Variants in RNF220 observed in about 807,000 individuals in gnomAD.
RNF220 encodes the protein E3 ubiquitin-protein ligase RNF220.
Under a neutral mutation model 67.1 loss-of-function variants are expected in RNF220, and 7 were observed. The observed-to-expected ratio is 0.10, with a 90% confidence interval of 0.06 to 0.20. The LOEUF is 0.20. RNF220 is among the 10% of genes least tolerant of loss of function. The pLI, the probability that RNF220 is intolerant of heterozygous loss-of-function variation, is 1.00. For missense variants in RNF220, 565 were observed against 740.3 expected (o/e 0.76, Z 2.75); for synonymous variants, 270 against 283.2 (o/e 0.95, Z 0.47).
intron 4 of RNF220, among the ~76,000 whole-genome samples, chr1:44,625,237 A>G (rs2148455932): frequency 6.6e-6 from 1 of 152,274 alleles, no homozygotes; most frequent in Middle Eastern, 3.4e-3. Flanking sequence ...ATGGGTGAAG[A>G]AGGAGCTCCA....
intron 2 of RNF220, among the ~76,000 whole-genome samples, chr1:44,532,653 G>T (rs1242984986): frequency 2.0e-5 from 3 of 152,208 alleles, no homozygotes; most frequent in Non-Finnish European, 4.4e-5. Context: ...AATTATAACA[G>T]TGTGCCTTTC....
chr1:44,594,462 G>A (rs1666335384), intron 2 of RNF220, among the ~76,000 whole-genome samples: 1 of 152,208 alleles, frequency 6.6e-6, no homozygotes. Context: ...CAACAGAAAT[G>A]GCCTTGCAGG....
chr1:44,448,460 A>G (rs1042735043), intron 2 of RNF220, among the ~76,000 whole-genome samples: 4 of 152,250 alleles, frequency 2.6e-5, no homozygotes, highest in Admixed American at 1.3e-4. Flanking sequence ...GGGCAATATC[A>G]TGTGGCACAA....
chr1:44,432,776 A>G (rs1650530064), intron 2 of RNF220, among the ~76,000 whole-genome samples: 1 of 152,228 alleles, frequency 6.6e-6, no homozygotes, highest in East Asian at 1.9e-4. Context: ...TGTGCTGGCA[A>G]TTTTAAACAA....
chr1:44,523,255 G>A (rs1018318070), intron 2 of RNF220, among the ~76,000 whole-genome samples: 4 of 152,132 alleles, frequency 2.6e-5, no homozygotes, highest in East Asian at 1.9e-4. Context: ...TTAATGGCTC[G>A]TGGTGCCGCA....
At chr1:44,407,779 G>C (rs775177443) in intron 1 of RNF220, among the ~76,000 whole-genome samples, 4 of 152,208 alleles carry the variant, frequency 2.6e-5, no homozygotes, top group Admixed American at 1.3e-4. Context: ...CAGGAGAAGC[G>C]GGAGTGGAGG....
intron 2 of RNF220, among the ~76,000 whole-genome samples, chr1:44,522,889 A>T (rs777730680): frequency 6.6e-6 from 1 of 152,206 alleles, no homozygotes; most frequent in East Asian, 1.9e-4. Flanking sequence ...ATGCATGCAT[A>T]TGCTTAAGCA....
chr1:44,506,637 G>A (rs781775), intron 2 of RNF220, among the ~76,000 whole-genome samples: 31,925 of 152,212 alleles, frequency 0.21, 3,493 homozygotes, highest in African/African-American at 0.24. Context: ...AGCAGGTCCA[G>A]CATCTCCCAA....
rs184194517 is a variant in RNF220, at chr1:44,478,132, A to C, written c.625+65410A>C. Among the ~76,000 whole-genome samples the C allele has an allele frequency of 5.5e-3, 831 of 152,170 alleles. 3 individuals are homozygous for C. The highest frequency in any genetic ancestry group is 0.014 in the Middle Eastern group (4 of 294). On this transcript the variant is annotated intron_variant, in intron 2 of 14. Coordinates refer to ENST00000361799, the MANE Select transcript of RNF220 (RefSeq NM_018150.4). ...TAGCTGGGATTACAAGGTATGCACC[A>C]CCACACCCGGCTAATTTTTATATTT...
In RNF220 at chr1:44,634,514, A is replaced by G. The variant is rs552114985; in HGVS notation, c.950-1031A>G. Among the ~76,000 whole-genome samples, 9 of 152,272 alleles carry G rather than the reference A, an allele frequency of 5.9e-5. No homozygotes were observed. In the East Asian group the frequency reaches 1.7e-3, roughly 29 times the overall value. On this transcript the variant is annotated intron_variant, in intron 6 of 14. Coordinates refer to ENST00000361799, the MANE Select transcript of RNF220 (RefSeq NM_018150.4). ...GAGCTTCCCGTTAGGGTCACTGTCC[A>G]TGAGAAAGTTCTTCCTGGCCCTGCT...
At chr1:44,415,640 T>C (rs1315932925) in intron 2 of RNF220, among the ~76,000 whole-genome samples, 1 of 152,160 alleles carries the variant, frequency 6.6e-6, no homozygotes, top group Non-Finnish European at 1.5e-5. Context: ...TTTTAAATGT[T>C]TTAATTAAGT....
chr1:44,595,074 C>G (rs1355840948), intron 2 of RNF220, among the ~76,000 whole-genome samples: 1 of 152,220 alleles, frequency 6.6e-6, no homozygotes, highest in Non-Finnish European at 1.5e-5. Context: ...CTGGTCTCAC[C>G]TAGGAGCTTG....
chr1:44,410,636 C>T (rs1323484441), intron 1 of RNF220: 1 of 152,196 alleles, frequency 6.6e-6, no homozygotes, highest in East Asian at 1.9e-4. Context: ...GAGGATTCAT[C>T]TACCGTTTAA....
rs533894406 is a variant in RNF220, at chr1:44,422,776, G to A, written c.625+10054G>A. On this transcript the variant is annotated intron_variant, in intron 2 of 14. Coordinates refer to ENST00000361799, the MANE Select transcript of RNF220 (RefSeq NM_018150.4). ...AAGTGCCTCCTGGAGTCTGTACTGG[G>A]GTGCTGCTGTGAGCCCCAGTTTTAC... is the stretch of plus-strand genomic sequence containing the variant. 2.0e-5 allele frequency among the ~76,000 whole-genome samples: 3 copies of A among 152,238 alleles called. No individual in the cohort carries two copies. The South Asian group carries it at 6.2e-4, about 32-fold the overall frequency.
At position 44,417,537 on chromosome 1, in the gene RNF220, C is replaced by A. The variant is rs1257974075; in HGVS notation, c.625+4815C>A. 6.6e-6 allele frequency among the ~76,000 whole-genome samples: 1 copy of A among 152,114 alleles called. No individual in the cohort carries two copies. Among genetic ancestry groups the A allele is most frequent in the African/African-American group, 2.4e-5 (1 of 41,422 alleles). On this transcript the variant is annotated intron_variant, in intron 2 of 14. Transcript: ENST00000361799. This position sits in a 1 kb window ranked among gnomAD's most constrained non-coding sequence, Gnocchi z 4.0. ...GCTCTTCCCCTGCCCTCGCTCCACG[C>A]CGCGCCGCTCTGTGCGGCGGCTGCC...
In RNF220 at chr1:44,600,170, G is replaced by C. The variant is rs2148396450; in HGVS notation, c.626-13995G>C. ...TACCATTCACTGAAACCAAAAGCAG[G>C]AGGAGGGCAGGTCTAGAGGAAGGTA... On this transcript the variant is annotated intron_variant, in intron 2 of 14. Transcript: ENST00000361799. This position sits in a 1 kb window ranked among gnomAD's most constrained non-coding sequence, Gnocchi z 4.0. Among the ~76,000 whole-genome samples, 1 of 152,290 alleles carries C rather than the reference G, an allele frequency of 6.6e-6. No individual in the cohort carries two copies. The highest frequency in any genetic ancestry group is 1.9e-4 in the East Asian group (1 of 5,186).
At position 44,649,580 on chromosome 1, in the gene RNF220, C is replaced by A; in HGVS notation, c.1446-81C>A. On this transcript the variant is annotated intron_variant, in intron 12 of 14. Transcript: ENST00000361799. This position sits in a 1 kb window ranked among gnomAD's most constrained non-coding sequence, Gnocchi z 5.9. Reference sequence around the variant, plus strand: ...CTAGGGGACATTTATGTATTTGGTTCTGGAATTCAAGGGAGGCGTAGGCTG... The same window carrying A: ...CTAGGGGACATTTATGTATTTGGTTATGGAATTCAAGGGAGGCGTAGGCTG... The A allele has an allele frequency of 1.5e-6, 2 of 1,306,586 alleles. No homozygotes were observed. Among genetic ancestry groups the A allele is most frequent in the South Asian group, 1.2e-5 (1 of 83,396 alleles). The allele number at this position is 1,306,586 out of a possible 1,614,324, so 80.9% of individuals were successfully genotyped here. A position where few individuals can be genotyped will look rare whatever the true frequency, so the allele number is the denominator to read the frequency against.
intron 2 of RNF220, among the ~76,000 whole-genome samples, chr1:44,474,747 TA>T (rs2148003165): frequency 6.6e-6 from 1 of 151,924 alleles, no homozygotes; most frequent in South Asian, 2.1e-4. Context: ...CAAAAATAAA[TA>T]TAAATATAAA....
intron 8 of RNF220, among the ~76,000 whole-genome samples, chr1:44,640,057 T>C (rs1239142582): frequency 6.6e-6 from 1 of 152,244 alleles, no homozygotes. Context: ...CCCAAAGTGC[T>C]GGGATTACAG....
Sources: gnomAD v4.1 joint callset for allele counts (sites outside exome capture counted in the v4.1 genomes callset) on GRCh38, gnomAD v4.1.1 for gene constraint, Gnocchi (gnomAD v3.1) non-coding constraint, MANE v1.5 for transcripts, NCBI Gene and HGNC (gene_info 2026-07-23, HGNC 2026-07-21) for gene names.